Variants in GALNT17 observed in about 807,000 individuals in gnomAD.
GALNT17 encodes UDP-GalNAc:polypeptide N-acetylgalactosaminyltransferase-like 3.
In GALNT17, 29 loss-of-function variants were observed where a neutral mutation model predicts 63.7. The ratio of observed to expected loss-of-function variants is 0.46; its 90% CI spans 0.34 to 0.62. GALNT17 has a LOEUF of 0.62. Ranked by LOEUF, GALNT17 falls within the 20% of genes least tolerant of loss-of-function variation. The pLI, the probability that GALNT17 is intolerant of heterozygous loss-of-function variation, is 0.01. For missense variants in GALNT17, 603 were observed against 799.6 expected, an observed-to-expected ratio of 0.75 and a Z score of 2.97; for synonymous variants, 305 against 318.3, an observed-to-expected ratio of 0.96 and a Z score of 0.45.
At chr7:71,258,107 C>CA (rs1562952688) in intron 1 of GALNT17, among the ~76,000 whole-genome samples, 1 of 152,222 alleles carries the variant, frequency 6.6e-6, no homozygotes, top group Non-Finnish European at 1.5e-5. Flanking sequence ...GCTGCCCTTG[C>CA]ACTCACATGA....
At chr7:71,340,157 G>A (rs1010193110) in intron 2 of GALNT17, among the ~76,000 whole-genome samples, 9 of 152,200 alleles carry the variant, frequency 5.9e-5, no homozygotes, top group African/African-American at 2.2e-4. Flanking sequence ...ATGGCCGGGG[G>A]AGGGGAGCAG....
chr7:71,225,352 C>T (rs1489784959), intron 1 of GALNT17, among the ~76,000 whole-genome samples: 5 of 152,178 alleles, frequency 3.3e-5, no homozygotes, highest in Non-Finnish European at 7.3e-5. Context: ...ATATCTGAGT[C>T]GATCTGCAAA....
chr7:71,440,779 C>T (rs1276056567), intron 5 of GALNT17, among the ~76,000 whole-genome samples: 1 of 152,146 alleles, frequency 6.6e-6, no homozygotes, highest in Non-Finnish European at 1.5e-5. Context: ...AAGATTATCA[C>T]TTGTTCTCAA....
At chr7:71,465,376 T>G (rs1174192326) in intron 5 of GALNT17, among the ~76,000 whole-genome samples, 1 of 152,070 alleles carries the variant, frequency 6.6e-6, no homozygotes, top group East Asian at 1.9e-4. Context: ...TTGGGGGGTG[T>G]CAGAGGCAAA....
chr7:71,630,948 G>A (rs1022422370), intron 6 of GALNT17, among the ~76,000 whole-genome samples: 4 of 152,174 alleles, frequency 2.6e-5, no homozygotes, highest in Admixed American at 1.3e-4. Flanking sequence ...ACTTCAATTC[G>A]TTTATTCATT....
chr7:71,253,765 A>T (rs1790242801), intron 1 of GALNT17, among the ~76,000 whole-genome samples: 1 of 152,154 alleles, frequency 6.6e-6, no homozygotes, highest in African/African-American at 2.4e-5. Flanking sequence ...AAGAACTCTG[A>T]TTCTAAAAAA....
Position 71,449,657 on chromosome 7 carries a change from G to A in GALNT17, c.962+28552G>A, listed in dbSNP as rs186093553. 7.9e-5 allele frequency among the ~76,000 whole-genome samples: 12 copies of A among 152,170 alleles called. No homozygotes were observed. In the East Asian group the frequency reaches 9.7e-4, roughly 12 times the overall value. On this transcript the variant is annotated intron_variant, in intron 5 of 10. Transcript: ENST00000333538. The stretch of plus-strand genomic sequence containing the variant: ...TAATTTACTCTGAGTTTTTCTTGGC[G>A]ACACATATTGGATGTTTTCATTGCT...
chr7:71,632,601 G>A (rs1347872283), intron 6 of GALNT17, among the ~76,000 whole-genome samples: 2 of 152,114 alleles, frequency 1.3e-5, no homozygotes, highest in Non-Finnish European at 2.9e-5. Flanking sequence ...ACAAGGATGA[G>A]GAGAGAATCT....
chr7:71,554,262 C>G (rs1194957327), intron 5 of GALNT17, among the ~76,000 whole-genome samples: 2 of 152,176 alleles, frequency 1.3e-5, no homozygotes, highest in Non-Finnish European at 2.9e-5. Context: ...TTTTCCCATG[C>G]TGTTCTCATG....
At chr7:71,682,254 G>A (rs1156554143) in intron 9 of GALNT17, among the ~76,000 whole-genome samples, 3 of 152,122 alleles carry the variant, frequency 2.0e-5, no homozygotes, top group African/African-American at 7.2e-5. Context: ...AAGCCACTCA[G>A]GAAGCACGTG....
intron 1 of GALNT17, among the ~76,000 whole-genome samples, chr7:71,213,253 C>T (rs1011391610): frequency 5.3e-5 from 8 of 152,280 alleles, no homozygotes; most frequent in Non-Finnish European, 7.4e-5. Flanking sequence ...GCTTCTTCCT[C>T]ATTTTTCTCT....
At chr7:71,463,528 T>G (rs1787485444) in intron 5 of GALNT17, among the ~76,000 whole-genome samples, 1 of 151,940 alleles carries the variant, frequency 6.6e-6, no homozygotes, top group East Asian at 1.9e-4. Flanking sequence ...TGAAAGCAAG[T>G]GTATTAAGAA....
At chr7:71,636,993 C>T (rs574379827) in intron 6 of GALNT17, among the ~76,000 whole-genome samples, 6 of 152,148 alleles carry the variant, frequency 3.9e-5, no homozygotes, top group South Asian at 2.1e-4. Flanking sequence ...GGGATGGAGT[C>T]GGATGACTTA....
At chr7:71,685,700 G>A (rs1428163502) in intron 9 of GALNT17, 1 of 152,018 alleles carries the variant, frequency 6.6e-6, no homozygotes, top group African/African-American at 2.4e-5. Context: ...AATCAACCCT[G>A]GCGATCAATG....
intron 8 of GALNT17, among the ~76,000 whole-genome samples, chr7:71,674,539 AC>A (rs1791119415): frequency 6.6e-6 from 1 of 151,790 alleles, no homozygotes; most frequent in Non-Finnish European, 1.5e-5. Context: ...TTTTTGAGAC[AC>A]AGCCTTGCTC....
At chr7:71,185,773 C>T (rs971763851) in intron 1 of GALNT17, among the ~76,000 whole-genome samples, 5 of 152,198 alleles carry the variant, frequency 3.3e-5, no homozygotes, top group African/African-American at 1.2e-4. Context: ...TACCAAAGTG[C>T]TGGGATTACA....
At position 71,437,019 on chromosome 7, in the gene GALNT17, C is replaced by T. The variant is rs566549848; in HGVS notation, c.962+15914C>T. Among the ~76,000 whole-genome samples the T allele has an allele frequency of 1.8e-3, 278 of 152,290 alleles. 1 individual carries two copies. Among genetic ancestry groups the T allele is most frequent in the African/African-American group, 6.4e-3 (265 of 41,556 alleles). On this transcript the variant is annotated intron_variant, in intron 5 of 10. Transcript: ENST00000333538. The stretch of plus-strand genomic sequence containing the variant: ...TGTGAAGAGTCAGCAGCCACATCTT[C>T]GACTCGCTGGCCCTCCCGGCATTTA...
intron 9 of GALNT17, among the ~76,000 whole-genome samples, chr7:71,689,198 C>T (rs1791406477): frequency 6.6e-6 from 1 of 152,102 alleles, no homozygotes; most frequent in Non-Finnish European, 1.5e-5. Context: ...TTTCTATTCC[C>T]CGAGACACAG....
intron 1 of GALNT17, among the ~76,000 whole-genome samples, chr7:71,182,124 A>G (rs4719090): frequency 0.26 from 39,650 of 151,856 alleles, 9,556 homozygotes; most frequent in African/African-American, 0.65. Context: ...GCAGTGAGCC[A>G]AGATAGCACT....
Sources: allele counts gnomAD v4.1 joint callset (sites outside exome capture counted in the v4.1 genomes callset), GRCh38; gene constraint gnomAD v4.1.1; transcripts MANE v1.5; gene names NCBI Gene and HGNC (gene_info 2026-07-23, HGNC 2026-07-21).